Variants in LHFPL6 observed in about 807,000 individuals in gnomAD.
LHFPL6 encodes LHFPL tetraspan subfamily member 6, also known as LHFPL tetraspan subfamily member 6 protein.
In LHFPL6, 9 loss-of-function variants were observed where a neutral mutation model predicts 20.6. The observed-to-expected ratio is 0.44, with a 90% confidence interval of 0.26 to 0.76. The LOEUF (loss-of-function observed/expected upper bound fraction) is 0.76. Ranked by LOEUF, LHFPL6 falls within the 30% of genes least tolerant of loss-of-function variation. The pLI is 0.20. For synonymous variants in LHFPL6, 105 were observed against 98.7 expected (o/e 1.06, Z -0.38); for missense variants, 218 against 253.5 (o/e 0.86, Z 0.95).
At chr13:39,575,707 C>G (rs1306393330) in intron 2 of LHFPL6, among the ~76,000 whole-genome samples, 1 of 152,110 alleles carries the variant, frequency 6.6e-6, no homozygotes, top group Non-Finnish European at 1.5e-5. Flanking sequence ...GTGGGAAGGA[C>G]ATGGGGACAG....
rs1868859067 is a variant in LHFPL6, at chr13:39,489,851, G to A, written c.385+110981C>T. On this transcript the variant is annotated intron_variant, in intron 2 of 3. Coordinates refer to ENST00000379589, the MANE Select transcript of LHFPL6 (RefSeq NM_005780.3). ...ATTACAGATGTAAGTCACCATGCCT[G>A]GCCTGGCTTTTTGAATTTGAATTTA... Among the ~76,000 whole-genome samples the A allele has an allele frequency of 2.0e-5, 3 of 152,066 alleles. No individual in the cohort carries two copies. In the South Asian group the frequency reaches 6.2e-4, roughly 32 times the overall value.
chr13:39,378,219 C>T (rs1870343908), intron 3 of LHFPL6, among the ~76,000 whole-genome samples: 1 of 152,092 alleles, frequency 6.6e-6, no homozygotes, highest in Non-Finnish European at 1.5e-5. Context: ...ATCTTTGTAT[C>T]TACAATACTC....
At chr13:39,568,186 T>C (rs1871789397) in intron 2 of LHFPL6, among the ~76,000 whole-genome samples, 1 of 152,198 alleles carries the variant, frequency 6.6e-6, no homozygotes, top group Non-Finnish European at 1.5e-5. Context: ...ATGAGTTGCA[T>C]GTATTTTCAT....
At chr13:39,567,670 G>A (rs1418247665) in intron 2 of LHFPL6, among the ~76,000 whole-genome samples, 1 of 151,764 alleles carries the variant, frequency 6.6e-6, no homozygotes, top group East Asian at 1.9e-4. Context: ...ACCATTCCTA[G>A]CTCTGTGGCC....
At chr13:39,458,936 CCTTCTATGAACTG>C (rs1872630880) in intron 2 of LHFPL6, among the ~76,000 whole-genome samples, 1 of 151,888 alleles carries the variant, frequency 6.6e-6, no homozygotes, top group Non-Finnish European at 1.5e-5. Context: ...CACTTTTTTT[CCTTCTATGAACTG>C]TAACCTTCCT....
chr13:39,562,597 T>TAC (rs1555268284), intron 2 of LHFPL6, among the ~76,000 whole-genome samples: 2 of 60,284 alleles, frequency 3.3e-5, no homozygotes, highest in Admixed American at 2.9e-4. Flanking sequence ...TATACATATA[T>TAC]ACACATATAC....
intron 2 of LHFPL6, among the ~76,000 whole-genome samples, chr13:39,529,337 C>A (rs914594431): frequency 1.3e-5 from 2 of 152,132 alleles, no homozygotes; most frequent in African/African-American, 4.8e-5. Context: ...GGTGATCCAC[C>A]CACCTTGGCC....
intron 2 of LHFPL6, among the ~76,000 whole-genome samples, chr13:39,444,377 G>A (rs1200612928): frequency 6.6e-6 from 1 of 152,208 alleles, no homozygotes; most frequent in Non-Finnish European, 1.5e-5. Flanking sequence ...GTGGCCAAGA[G>A]ACGTTTGCTA....
rs1438146492 is a variant in LHFPL6, at chr13:39,402,549, T to C, written c.386-24023A>G. On this transcript the variant is annotated intron_variant, in intron 2 of 3. Transcript: ENST00000379589. The stretch of plus-strand genomic sequence containing the variant: ...CTGGCCCTTTTTGCTTTTTTAAATA[T>C]AGAAATATAGCTCCAAGAAAATGTA... Among the ~76,000 whole-genome samples the C allele has an allele frequency of 2.0e-5, 3 of 152,190 alleles. No homozygotes were observed. In the East Asian group the frequency reaches 5.8e-4, roughly 29 times the overall value.
chr13:39,509,707 C>A (rs572236299), intron 2 of LHFPL6, among the ~76,000 whole-genome samples: 102 of 152,236 alleles, frequency 6.7e-4, no homozygotes, highest in African/African-American at 2.3e-3. Context: ...CGCCTGTAAT[C>A]CCAGCACTGT....
chr13:39,401,650 C>T (rs749816780), intron 2 of LHFPL6, among the ~76,000 whole-genome samples: 2 of 152,180 alleles, frequency 1.3e-5, no homozygotes, highest in Non-Finnish European at 1.5e-5. Context: ...TGAGTTCTAC[C>T]GCTTAATCAT....
chr13:39,517,414 T>C (rs1173186291), intron 2 of LHFPL6, among the ~76,000 whole-genome samples: 1 of 152,178 alleles, frequency 6.6e-6, no homozygotes, highest in Non-Finnish European at 1.5e-5. Context: ...GTTTTACAAA[T>C]AGGTACAGGA....
chr13:39,503,233 C>T (rs1182071594), intron 2 of LHFPL6, among the ~76,000 whole-genome samples: 1 of 152,184 alleles, frequency 6.6e-6, no homozygotes, highest in East Asian at 1.9e-4. Context: ...CTCACAAAGG[C>T]ACTAGCCTCC....
At chr13:39,371,053 A>C (rs2148931) in intron 3 of LHFPL6, among the ~76,000 whole-genome samples, 2 of 152,128 alleles carry the variant, frequency 1.3e-5, no homozygotes, top group African/African-American at 4.8e-5. Context: ...GTTCAGATTA[A>C]AGTAGAAGAG....
chr13:39,375,350 G>A (rs1870260737), intron 3 of LHFPL6, among the ~76,000 whole-genome samples: 1 of 152,182 alleles, frequency 6.6e-6, no homozygotes, highest in African/African-American at 2.4e-5. Context: ...TTTCATTAGT[G>A]TTCAGGGGAA....
chr13:39,581,036 G>C (rs1442568108), intron 2 of LHFPL6, among the ~76,000 whole-genome samples: 2 of 152,204 alleles, frequency 1.3e-5, no homozygotes, highest in Non-Finnish European at 2.9e-5. Flanking sequence ...GAATCTGACT[G>C]CATGTAAAAT....
At chr13:39,358,488 G>C (rs1869784051) in intron 3 of LHFPL6, among the ~76,000 whole-genome samples, 1 of 152,116 alleles carries the variant, frequency 6.6e-6, no homozygotes, top group African/African-American at 2.4e-5. Flanking sequence ...TGTGGGTAAA[G>C]AATTTGTGGC....
chr13:39,361,880 A>AT (rs1869880382), intron 3 of LHFPL6, among the ~76,000 whole-genome samples: 1 of 152,190 alleles, frequency 6.6e-6, no homozygotes, highest in Non-Finnish European at 1.5e-5. Context: ...TCACTTAAGT[A>AT]TCTACGGTTG....
intron 2 of LHFPL6, among the ~76,000 whole-genome samples, chr13:39,449,724 C>T (rs890337985): frequency 6.6e-6 from 1 of 151,856 alleles, no homozygotes; most frequent in Non-Finnish European, 1.5e-5. Flanking sequence ...GGAGCCCACA[C>T]TGAAAACTGA....
Sources: allele counts gnomAD v4.1 joint callset (sites outside exome capture counted in the v4.1 genomes callset), GRCh38; gene constraint gnomAD v4.1.1; transcripts MANE v1.5; gene names NCBI Gene and HGNC (gene_info 2026-07-23, HGNC 2026-07-21).